MAL: variants seen among roughly 807,000 people sequenced by gnomAD.
MAL encodes the protein myelin and lymphocyte protein.
In MAL, 5 loss-of-function variants were observed where a neutral mutation model predicts 16.7. The observed-to-expected ratio is 0.30, with a 90% CI of 0.16 to 0.63. The LOEUF (loss-of-function observed/expected upper bound fraction) is 0.63, where lower values mean the gene tolerates loss of function less well. Ranked by LOEUF, MAL falls within the 30% of genes least tolerant of loss-of-function variation. The pLI is 0.82. For synonymous variants in MAL, 96 were observed against 85.5 expected (o/e 1.12, Z -0.67); for missense variants, 202 against 195.8 (o/e 1.03, Z -0.19).
At chr2:95,040,643 G>T (rs750081852) in intron 1 of MAL, among the ~76,000 whole-genome samples, 3 of 152,180 alleles carry the variant, frequency 2.0e-5, no homozygotes, top group Admixed American at 6.6e-5. Context: ...AAACATGAGT[G>T]GGGGGTGCTC....
At chr2:95,043,013 C>T (rs1256322350) in intron 1 of MAL, among the ~76,000 whole-genome samples, 2 of 152,236 alleles carry the variant, frequency 1.3e-5, no homozygotes, top group South Asian at 2.1e-4. Flanking sequence ...GCTGGAGGCT[C>T]ACCCTCCCTG....
chr2:95,053,330 G>T, intron 3 of MAL, 51 bp from the exon 4 acceptor site: 1 of 1,265,318 alleles, frequency 7.9e-7, no homozygotes, highest in Non-Finnish European at 1.2e-6. Flanking sequence ...CAGACGCTGT[G>T]CCTCGCCCTC....
At chr2:95,038,942 G>A (rs115529990) in intron 1 of MAL, among the ~76,000 whole-genome samples, 171 of 150,858 alleles carry the variant, frequency 1.1e-3, no homozygotes, top group Non-Finnish European at 2.0e-3. Context: ...GTGAGTGACC[G>A]AGTGACTGAG....
At chr2:95,041,027 T>C (rs999170495) in intron 1 of MAL, among the ~76,000 whole-genome samples, 1 of 152,206 alleles carries the variant, frequency 6.6e-6, no homozygotes, top group Non-Finnish European at 1.5e-5. Context: ...TGTCTTGATG[T>C]GTCCTTGGAA....
At chr2:95,053,262 G>T (rs1419954431) in intron 3 of MAL, 119 bp from the exon 4 acceptor site, 6 of 741,112 alleles carry the variant, frequency 8.1e-6, no homozygotes, top group African/African-American at 6.9e-5. Context: ...GAGAAGCAAT[G>T]ACAGCCCAAG....
In MAL at chr2:95,049,576, C is replaced by T; in HGVS notation, c.262-5C>T. ...CATCCCTCTGACACCCCGTCTGCCC[C>T]ATAGGACGCAGCCTACCACTGCACC... is the stretch of plus-strand genomic sequence containing the variant. On this transcript the variant is annotated splice_region_variant and splice_polypyrimidine_tract_variant and intron_variant, in intron 2 of 3. Transcript: ENST00000309988. 3 of 1,614,160 alleles carry T rather than the reference C, an allele frequency of 1.9e-6. No individual in the cohort carries two copies. Among genetic ancestry groups the T allele is most frequent in the Non-Finnish European group, 2.5e-6 (3 of 1,179,994 alleles).
chr2:95,035,579 G>C (rs1286638970), intron 1 of MAL, among the ~76,000 whole-genome samples: 3 of 152,150 alleles, frequency 2.0e-5, no homozygotes, highest in Non-Finnish European at 2.9e-5. Context: ...GGGCTCAAGG[G>C]GGGTGAGATT....
Position 95,048,139 on chromosome 2 carries a change from C to T in MAL, c.261+13C>T. The T allele has an allele frequency of 3.1e-6, 5 of 1,604,812 alleles. No individual in the cohort carries two copies. The highest frequency in any genetic ancestry group is 4.3e-6 in the Non-Finnish European group (5 of 1,171,670). On this transcript the variant is annotated intron_variant, in intron 2 of 3. Coordinates refer to ENST00000309988, the MANE Select transcript of MAL (RefSeq NM_002371.4). ...CTGGGTCACCTTGGTGAGTCCAGCCCAGGGTGGCTGCTGGTTGTAGGGGGG... is the reference window on the plus strand; with the variant it reads ...CTGGGTCACCTTGGTGAGTCCAGCCTAGGGTGGCTGCTGGTTGTAGGGGGG...
At chr2:95,049,517 T>TCAGCTCTGCATCTGGGCCCC in intron 2 of MAL, 64 bp from the exon 3 acceptor site, 1 of 1,597,052 alleles carries the variant, frequency 6.3e-7, no homozygotes. Flanking sequence ...GGAGGGGACC[T>TCAGCTCTGCATCTGGGCCCC]CAGCTCTGCA....
intron 1 of MAL, among the ~76,000 whole-genome samples, chr2:95,031,922 G>A (rs1298770504): frequency 6.6e-6 from 1 of 152,246 alleles, no homozygotes; most frequent in Admixed American, 6.5e-5. Flanking sequence ...GCTGGCTTTG[G>A]TGAGGACTCA....
chr2:95,042,684 T>G (rs1674497639), intron 1 of MAL, among the ~76,000 whole-genome samples: 1 of 152,232 alleles, frequency 6.6e-6, no homozygotes, highest in African/African-American at 2.4e-5. Context: ...CACAGCACCG[T>G]GCCTCCAGGG....
intron 1 of MAL, among the ~76,000 whole-genome samples, chr2:95,046,560 G>C (rs1353496980): frequency 6.6e-6 from 1 of 152,244 alleles, no homozygotes; most frequent in Non-Finnish European, 1.5e-5. Context: ...TCCACGGCGA[G>C]GAGCGGGGCT....
intron 2 of MAL, among the ~76,000 whole-genome samples, chr2:95,048,418 G>A (rs1674639476): frequency 6.6e-6 from 1 of 152,130 alleles, no homozygotes; most frequent in African/African-American, 2.4e-5. Context: ...TACCCGCCAG[G>A]TGCCTGCCTG....
intron 1 of MAL, among the ~76,000 whole-genome samples, chr2:95,040,010 A>G (rs543081827): frequency 6.6e-6 from 1 of 152,140 alleles, no homozygotes; most frequent in Non-Finnish European, 1.5e-5. Context: ...GTGCATATTC[A>G]TTCTCCTACC....
At chr2:95,029,097 A>C (rs1674017756) in intron 1 of MAL, among the ~76,000 whole-genome samples, 1 of 152,266 alleles carries the variant, frequency 6.6e-6, no homozygotes, top group African/African-American at 2.4e-5. Context: ...TTCAAATGCC[A>C]CAGAAGAACA....
intron 1 of MAL, among the ~76,000 whole-genome samples, chr2:95,039,271 G>GGTGAGTGACTGA (rs1356927999): frequency 1.2e-4 from 7 of 56,870 alleles, no homozygotes; most frequent in Non-Finnish European, 2.2e-4. Context: ...TGACTGAGTG[G>GGTGAGTGACTGA]GTGAGTGACT....
At chr2:95,039,845 A>G (rs1674401211) in intron 1 of MAL, among the ~76,000 whole-genome samples, 1 of 152,094 alleles carries the variant, frequency 6.6e-6, no homozygotes, top group South Asian at 2.1e-4. Context: ...TAACACAAAT[A>G]AAGAAGCCAA....
In MAL at chr2:95,053,393, A is replaced by T; in HGVS notation, c.400A>T (p.Ile134Leu). ...ENIAAVVFSYIATLLYVVHAV... is the reference protein window; with the variant it reads ...ENIAAVVFSYLATLLYVVHAV... The stretch of plus-strand genomic sequence containing the variant: ...CTCTTGGTTCCAGGTGTTCTCCTAC[A>T]TAGCCACTCTGCTCTACGTGGTCCA... Residue 134 changes from isoleucine (I) to leucine (L), a missense_variant, in exon 4 of 4, where the codon ATA becomes TTA. By Grantham distance (5) the Ile-to-Leu change is conservative. Coordinates refer to ENST00000309988, the MANE Select transcript of MAL (RefSeq NM_002371.4). 1 of 1,612,962 alleles carries T rather than the reference A, an allele frequency of 6.2e-7. No homozygotes were observed. The highest frequency in any genetic ancestry group is 8.5e-7 in the Non-Finnish European group (1 of 1,179,106).
At position 95,053,368 on chromosome 2, in the gene MAL, C is replaced by A; in HGVS notation, c.388-13C>A. On this transcript the variant is annotated splice_polypyrimidine_tract_variant and intron_variant, in intron 3 of 3. Coordinates refer to ENST00000309988, the MANE Select transcript of MAL (RefSeq NM_002371.4). Reference sequence around the variant, plus strand: ...TACACAAACCCATTAACGGCCATTTCTCTTGGTTCCAGGTGTTCTCCTACA... The same window carrying A: ...TACACAAACCCATTAACGGCCATTTATCTTGGTTCCAGGTGTTCTCCTACA... The A allele has an allele frequency of 6.3e-7, 1 of 1,597,890 alleles. No individual in the cohort carries two copies. Among genetic ancestry groups the A allele is most frequent in the Non-Finnish European group, 8.6e-7 (1 of 1,165,650 alleles).
Sources: allele counts gnomAD v4.1 joint callset (sites outside exome capture counted in the v4.1 genomes callset), GRCh38; gene constraint gnomAD v4.1.1; transcripts MANE v1.5; gene names NCBI Gene and HGNC (gene_info 2026-07-23, HGNC 2026-07-21).